The following ANKRD52 variants were observed in gnomAD, a reference collection of about 807,000 sequenced individuals.
ANKRD52 encodes ankyrin repeat domain 52, also known as serine/threonine-protein phosphatase 6 regulatory ankyrin repeat subunit C.
In ANKRD52, 7 loss-of-function variants were observed where a neutral mutation model predicts 116.0. The ratio of observed to expected loss-of-function variants is 0.06; its 90% CI spans 0.03 to 0.11. The LOEUF is 0.11. Ranked by LOEUF, ANKRD52 falls within the 10% of genes least tolerant of loss-of-function variation. The pLI is 1.00. For missense variants in ANKRD52, 839 were observed against 1,408.6 expected, an observed-to-expected ratio of 0.60 and a Z score of 6.47; for synonymous variants, 528 against 578.1, an observed-to-expected ratio of 0.91 and a Z score of 1.24.
Position 56,243,529 on chromosome 12 carries a change from G to A in ANKRD52, c.2981-137C>T. On this transcript the variant is annotated intron_variant, in intron 27 of 27. Transcript: ENST00000267116. The surrounding 1 kb of genome is among the most constrained non-coding windows in gnomAD (Gnocchi z 4.6). ...CAGCGGCAGAATCCAAGGGTGACGA[G>A]GGCCCAGGAAGGCTGACAGGCAGAT... 7.6e-7 allele frequency: 1 copy of A among 1,316,122 alleles called. No homozygotes were observed. The highest frequency in any genetic ancestry group is 1.0e-6 in the Non-Finnish European group (1 of 973,508). 81.5% of individuals were successfully genotyped at this position (1,316,122 alleles called of 1,614,324 possible). A position where few individuals can be genotyped will look rare whatever the true frequency, so the allele number is the denominator to read the frequency against.
rs1183720814 is a variant in ANKRD52, at chr12:56,244,897, A to T, written c.2576+9T>A. The T allele has an allele frequency of 6.2e-7, 1 of 1,613,984 alleles. No homozygotes were observed. Among genetic ancestry groups the T allele is most frequent in the South Asian group, 1.1e-5 (1 of 91,084 alleles). ...AACTGGGATTCTTCCCAAGTCTTCC[A>T]TCACTCACCGTCCTTTGGCATCTCG... On this transcript the variant is annotated intron_variant, in intron 23 of 27. Coordinates refer to ENST00000267116, the MANE Select transcript of ANKRD52 (RefSeq NM_173595.4). This position sits in a 1 kb window ranked among gnomAD's most constrained non-coding sequence, Gnocchi z 4.9.
rs1394316332 is a variant in ANKRD52 at position 56,244,169 on chromosome 12, G to T, written c.2806-36C>A. On this transcript the variant is annotated intron_variant, in intron 25 of 27. Transcript: ENST00000267116. This position sits in a 1 kb window ranked among gnomAD's most constrained non-coding sequence, Gnocchi z 4.9. ...GGAACAGAGAGTGGAGACTTGTGAA[G>T]TAGAAATGTGGCAGGGTGCAGGGCA... 2.2e-5 allele frequency: 36 copies of T among 1,608,670 alleles called. No homozygotes were observed. Among genetic ancestry groups the T allele is most frequent in the Non-Finnish European group, 3.0e-5 (35 of 1,175,212 alleles).
chr12:56,257,860 G>T lies in ANKRD52; in HGVS notation c.79C>A (p.Leu27Ile). ...TTGATGTTCTCCTTCTGCGAGAGTA[G>T]GGAACGCACTTCCTCCACATCTCGG... ...FSRDVEEVRS[L>I]LSQKENINVL... The change falls in exon 2 of 28, where the codon CTA becomes ATA. Residue 27 changes from leucine to isoleucine, a missense_variant. This residue lies in a region of ANKRD52 where 287 missense variants were observed against 598.1 expected (regional missense o/e 0.48). Transcript: ENST00000267116. The T allele has an allele frequency of 6.2e-7, 1 of 1,613,828 alleles. No individual in the cohort carries two copies.
intron 3 of ANKRD52, 72 bp from the exon 4 acceptor site, chr12:56,257,157 G>C: frequency 6.4e-7 from 1 of 1,570,676 alleles, no homozygotes; most frequent in East Asian, 2.3e-5. Flanking sequence ...AATCAGGCCA[G>C]GAAATCTGAA....
Position 56,242,950 on chromosome 12 carries a change from T to C in ANKRD52, c.*192A>G. On this transcript the variant is annotated 3_prime_UTR_variant, in exon 28 of 28. Transcript: ENST00000267116. The surrounding 1 kb of genome is among the most constrained non-coding windows in gnomAD (Gnocchi z 4.3). ...GGTACCAAGGGCCTGGGGTGCTCCC[T>C]GTCAGTCCCAGACCCCTGCCAGGCC... The C allele has an allele frequency of 1.2e-6, 1 of 804,096 alleles. No homozygotes were observed. Among genetic ancestry groups the C allele is most frequent in the South Asian group, 2.1e-5 (1 of 48,432 alleles). 49.8% of individuals were successfully genotyped at this position (804,096 alleles called of 1,614,324 possible).
At chr12:56,245,841 A>G (rs1871375223) in intron 20 of ANKRD52, among the ~76,000 whole-genome samples, 1 of 150,558 alleles carries the variant, frequency 6.6e-6, no homozygotes, top group Non-Finnish European at 1.5e-5. Flanking sequence ...CAGCCTCCCA[A>G]GTAGCTGGGA....
intron 20 of ANKRD52, 134 bp downstream of exon 20, chr12:56,247,359 A>AG (rs1173966953): frequency 6.5e-6 from 5 of 768,044 alleles, no homozygotes; most frequent in East Asian, 5.4e-5. Flanking sequence ...AAAAAAAAAA[A>AG]AAAAAGAAAA....
Position 56,243,479 on chromosome 12 carries a change from G to A in ANKRD52, c.2981-87C>T. Reference sequence around the variant, plus strand: ...GCCCTGAAGTCTCTTCTCTGTGGAGGGAGCCAAGGCAGGCAGGTACCCAGC... The same window carrying A: ...GCCCTGAAGTCTCTTCTCTGTGGAGAGAGCCAAGGCAGGCAGGTACCCAGC... On this transcript the variant is annotated intron_variant, in intron 27 of 27. Transcript: ENST00000267116. The surrounding 1 kb of genome is among the most constrained non-coding windows in gnomAD (Gnocchi z 4.6). The A allele has an allele frequency of 6.7e-7, 1 of 1,501,746 alleles. No homozygotes were observed. The highest frequency in any genetic ancestry group is 8.9e-7 in the Non-Finnish European group (1 of 1,119,310). 93.0% of individuals were successfully genotyped at this position (1,501,746 alleles called of 1,614,324 possible).
At position 56,241,742 on chromosome 12, in the gene ANKRD52, G is replaced by A. The variant is rs987606672; in HGVS notation, c.*1400C>T. The A allele has an allele frequency of 8.2e-6, 3 of 364,378 alleles. No homozygotes were observed. Among genetic ancestry groups the A allele is most frequent in the Non-Finnish European group, 1.5e-5 (3 of 204,898 alleles). The allele number at this position is 364,378 out of a possible 1,614,324, so 22.6% of individuals were successfully genotyped here. A position where few individuals can be genotyped will look rare whatever the true frequency, so the allele number is the denominator to read the frequency against. ...AGTGGGTCCAACTGTCCAGGAGGCTGCACTAGGAGATGGGTGGACAGAGCA... is the reference window on the plus strand; with the variant it reads ...AGTGGGTCCAACTGTCCAGGAGGCTACACTAGGAGATGGGTGGACAGAGCA... On this transcript the variant is annotated 3_prime_UTR_variant, in exon 28 of 28. Coordinates refer to ENST00000267116, the MANE Select transcript of ANKRD52 (RefSeq NM_173595.4).
At position 56,253,657 on chromosome 12, in the gene ANKRD52, A is replaced by G; in HGVS notation, c.985+65T>C. 1 of 1,541,056 alleles carries G rather than the reference A, an allele frequency of 6.5e-7. No homozygotes were observed. The highest frequency in any genetic ancestry group is 9.0e-7 in the Non-Finnish European group (1 of 1,117,316). ...GGAGAAGGAAGTTAGGAACCTCCCT[A>G]GATTCTAGAAATGAGTTCCTTGGGG... is the stretch of plus-strand genomic sequence containing the variant. On this transcript the variant is annotated intron_variant, in intron 9 of 27. Coordinates refer to ENST00000267116, the MANE Select transcript of ANKRD52 (RefSeq NM_173595.4). This position sits in a 1 kb window ranked among gnomAD's most constrained non-coding sequence, Gnocchi z 5.5.
In ANKRD52 at chr12:56,254,869, A is replaced by G; in HGVS notation, c.546T>C (p.Phe182=). 1 of 1,612,804 alleles carries G rather than the reference A, an allele frequency of 6.2e-7. No homozygotes were observed. Among genetic ancestry groups the G allele is most frequent in the African/African-American group, 1.3e-5 (1 of 75,042 alleles). The change falls in exon 6 of 28, where the codon TTT becomes TTC. Residue 182 remains phenylalanine, a synonymous_variant. Transcript: ENST00000267116. This position sits in a 1 kb window ranked among gnomAD's most constrained non-coding sequence, Gnocchi z 4.6. The part of the protein sequence containing the change: ...KERQPLHWAA[F]LGHLEVLKLL... ...TTCCCGTGTATTCTCTCTCACCTAG[A>G]AAAGCTGCCCAATGCAGAGGCTGCC... is the stretch of plus-strand genomic sequence containing the variant.
In ANKRD52 at chr12:56,255,574, C is replaced by T. The variant is rs924540670; in HGVS notation, c.462+210G>A. On this transcript the variant is annotated intron_variant, in intron 5 of 27. Transcript: ENST00000267116. This position sits in a 1 kb window ranked among gnomAD's most constrained non-coding sequence, Gnocchi z 4.3. The stretch of plus-strand genomic sequence containing the variant: ...AAGGCGTGTATGCAAATATTTTCCA[C>T]GCAAAATCCAAGGTTTTATCAACCT... 6.6e-6 allele frequency among the ~76,000 whole-genome samples: 1 copy of T among 152,232 alleles called. No individual in the cohort carries two copies. Among genetic ancestry groups the T allele is most frequent in the South Asian group, 2.1e-4 (1 of 4,836 alleles).
In ANKRD52 at chr12:56,254,639, T is replaced by C; in HGVS notation, c.632A>G (p.His211Arg). 6.2e-7 allele frequency: 1 copy of C among 1,613,950 alleles called. No individual in the cohort carries two copies. The highest frequency in any genetic ancestry group is 2.2e-5 in the East Asian group (1 of 44,884). Reference protein sequence around the residue: ...CKDRKGYGLLHTAAASGQIEV... With the variant: ...CKDRKGYGLLRTAAASGQIEV... ...AATCTGGCCACTGGCAGCAGCTGTA[T>C]GGAGCAGCCCATAGCCCTTGCGGTC... Residue 211 changes from histidine to arginine, a missense_variant, in exon 7 of 28, where the codon CAT becomes CGT. By Grantham distance (29) the His-to-Arg change is conservative. Coordinates refer to ENST00000267116, the MANE Select transcript of ANKRD52 (RefSeq NM_173595.4). The surrounding 1 kb of genome is among the most constrained non-coding windows in gnomAD (Gnocchi z 4.6).
intron 1 of ANKRD52, 132 bp downstream of exon 1, chr12:56,258,111 C>A (rs1017690509): frequency 1.2e-5 from 17 of 1,463,670 alleles, no homozygotes; most frequent in Non-Finnish European, 1.4e-5. Context: ...TTGAGGGGAG[C>A]GCGGCATGGG....
At chr12:56,256,086 C>A in intron 4 of ANKRD52, 102 bp from the exon 5 acceptor site, 1 of 1,165,160 alleles carries the variant, frequency 8.6e-7, no homozygotes, top group South Asian at 1.5e-5. Flanking sequence ...GCCCCTTCCC[C>A]AGCACAGAAT....
Position 56,254,529 on chromosome 12 carries a change from C to T in ANKRD52, c.693+49G>A. Reference sequence around the variant, plus strand: ...TCATATCTCCGTAACAGACTATAATCTCCTACTTGCTGCCCATAGTTCCCA... The same window carrying T: ...TCATATCTCCGTAACAGACTATAATTTCCTACTTGCTGCCCATAGTTCCCA... On this transcript the variant is annotated intron_variant, in intron 7 of 27. Transcript: ENST00000267116. The surrounding 1 kb of genome is among the most constrained non-coding windows in gnomAD (Gnocchi z 4.6). 1.3e-6 allele frequency: 2 copies of T among 1,599,582 alleles called. No individual in the cohort carries two copies. The highest frequency in any genetic ancestry group is 1.7e-6 in the Non-Finnish European group (2 of 1,172,914).
rs752844754 is a variant in ANKRD52, at chr12:56,248,029, C to T, written c.1972G>A (p.Ala658Thr). 12 of 1,600,270 alleles carry T rather than the reference C, an allele frequency of 7.5e-6. No homozygotes were observed. Among genetic ancestry groups the T allele is most frequent in the East Asian group, 2.2e-5 (1 of 44,654 alleles). The change falls in exon 18 of 28, where the codon GCT (alanine) becomes ACT (threonine). Residue 658 changes from alanine (A) to threonine (T), a missense_variant. This residue lies in a region of ANKRD52 where 552 missense variants were observed against 810.6 expected (regional missense o/e 0.68). Coordinates refer to ENST00000267116, the MANE Select transcript of ANKRD52 (RefSeq NM_173595.4). This position sits in a 1 kb window ranked among gnomAD's most constrained non-coding sequence, Gnocchi z 5.1. Reference protein sequence around the residue: ...ERKRKWTPLHAAAASGHTDSL... With the variant: ...ERKRKWTPLHTAAASGHTDSL... ...GCCTAAAGTGGGCACTAACCAGCAG[C>T]GTGCAGGGGTGTCCACTTGCGCTTG...
At position 56,253,665 on chromosome 12, in the gene ANKRD52, GAA is replaced by G. The variant is rs1871806322; in HGVS notation, c.985+55_985+56del. ...AAGTTAGGAACCTCCCTAGATTCTA[GAA>G]ATGAGTTCCTTGGGGGAGGAGGGGA... On this transcript the variant is annotated intron_variant, in intron 9 of 27. Coordinates refer to ENST00000267116, the MANE Select transcript of ANKRD52 (RefSeq NM_173595.4). The surrounding 1 kb of genome is among the most constrained non-coding windows in gnomAD (Gnocchi z 5.5). 6.4e-7 allele frequency: 1 copy of G among 1,566,080 alleles called. No homozygotes were observed. Among genetic ancestry groups the G allele is most frequent in the Non-Finnish European group, 8.8e-7 (1 of 1,138,946 alleles).
chr12:56,243,451 C>G lies in ANKRD52; in HGVS notation c.2981-59G>C. On this transcript the variant is annotated intron_variant, in intron 27 of 27. Coordinates refer to ENST00000267116, the MANE Select transcript of ANKRD52 (RefSeq NM_173595.4). The surrounding 1 kb of genome is among the most constrained non-coding windows in gnomAD (Gnocchi z 4.6). ...GTCCTGTATCCTAGCCAGCCTCCCC[C>G]AAGCCCTGAAGTCTCTTCTCTGTGG... The G allele has an allele frequency of 6.4e-7, 1 of 1,553,094 alleles. No homozygotes were observed. Among genetic ancestry groups the G allele is most frequent in the East Asian group, 2.3e-5 (1 of 42,774 alleles).
Sources: allele counts gnomAD v4.1 joint callset (sites outside exome capture counted in the v4.1 genomes callset), GRCh38; gene constraint gnomAD v4.1.1; regional missense constraint gnomAD v4.1.1; non-coding constraint Gnocchi (gnomAD v3.1); transcripts MANE v1.5; gene names NCBI Gene and HGNC (gene_info 2026-07-23, HGNC 2026-07-21).